Variants in ZNF827 observed in about 807,000 individuals in gnomAD.
ZNF827 encodes zinc finger protein 827.
ZNF827 carries 13 observed loss-of-function variants against 102.4 expected under a neutral mutation model. The ratio of observed to expected loss-of-function variants is 0.13; its 90% CI spans 0.08 to 0.20. The LOEUF is 0.20. Ranked by LOEUF, ZNF827 falls within the 10% of genes least tolerant of loss-of-function variation. The probability of loss-of-function intolerance (pLI) is 1.00; values close to 1 mark genes in which losing one functional copy is unlikely to be tolerated. For synonymous variants in ZNF827, 523 were observed against 536.2 expected (o/e 0.98, Z 0.34); for missense variants, 1,103 against 1,344.4 (o/e 0.82, Z 2.81).
At chr4:145,828,901 G>A (rs1743928681) in intron 7 of ZNF827, among the ~76,000 whole-genome samples, 1 of 152,200 alleles carries the variant, frequency 6.6e-6, no homozygotes, top group Non-Finnish European at 1.5e-5. Context: ...TGTGACACCA[G>A]TATTTCCACC....
At position 145,760,861 on chromosome 4, in the gene ZNF827, T is replaced by A. The variant is rs1403788335; in HGVS notation, c.*755A>T. Reference sequence around the variant, plus strand: ...TGAGGGGATGCTGGGAGGCGCAGTCTGAGGTCGGGGAGGGTGGAATGTGAG... The same window carrying A: ...TGAGGGGATGCTGGGAGGCGCAGTCAGAGGTCGGGGAGGGTGGAATGTGAG... On this transcript the variant is annotated 3_prime_UTR_variant, in exon 15 of 15. Coordinates refer to ENST00000508784, the MANE Select transcript of ZNF827 (RefSeq NM_001306215.2). 10 of 1,216,654 alleles carry A rather than the reference T, an allele frequency of 8.2e-6. No homozygotes were observed. Among genetic ancestry groups the A allele is most frequent in the Non-Finnish European group, 1.0e-5 (10 of 954,374 alleles). 75.4% of individuals were successfully genotyped at this position (1,216,654 alleles called of 1,614,324 possible). A position where few individuals can be genotyped will look rare whatever the true frequency, so the allele number is the denominator to read the frequency against.
Position 145,886,117 on chromosome 4 carries a change from C to T in ZNF827, c.1308G>A (p.Gln436=), listed in dbSNP as rs748007560. The change falls in exon 4 of 15, where the codon CAG becomes CAA. Residue 436 remains glutamine (Q), a synonymous_variant. Transcript: ENST00000508784. ...HQDRGETFQC[Q]LCPFTSSRHF... ...GGCGTGAGGAAGTAAAAGGGCACAG[C>T]TGGCACTGAAAGGTCTCTCCCCGAT... is the stretch of plus-strand genomic sequence containing the variant. 1 of 1,611,586 alleles carries T rather than the reference C, an allele frequency of 6.2e-7. No individual in the cohort carries two copies. The highest frequency in any genetic ancestry group is 2.2e-5 in the East Asian group (1 of 44,870).
chr4:145,806,751 G>A (rs962029313), intron 8 of ZNF827, among the ~76,000 whole-genome samples: 12 of 152,188 alleles, frequency 7.9e-5, no homozygotes, highest in African/African-American at 2.9e-4. Context: ...TATAACGACT[G>A]AAAATACCCT....
At chr4:145,827,159 T>C (rs1482402615) in intron 7 of ZNF827, among the ~76,000 whole-genome samples, 1 of 152,150 alleles carries the variant, frequency 6.6e-6, no homozygotes, top group Non-Finnish European at 1.5e-5. Flanking sequence ...TAGTTGCCCA[T>C]GCCCATGAGT....
chr4:145,922,735 A>AT (rs1561083182), intron 1 of ZNF827, among the ~76,000 whole-genome samples: 1 of 152,276 alleles, frequency 6.6e-6, no homozygotes, highest in African/African-American at 2.4e-5. Flanking sequence ...TTCCTTGAAC[A>AT]TCACTTTTAA....
intron 5 of ZNF827, among the ~76,000 whole-genome samples, chr4:145,869,226 G>C (rs1036883279): frequency 6.6e-6 from 1 of 152,164 alleles, no homozygotes; most frequent in Non-Finnish European, 1.5e-5. Context: ...GGTAAGTACA[G>C]GAATTTCAAC....
intron 4 of ZNF827, among the ~76,000 whole-genome samples, chr4:145,876,087 T>C (rs1749125905): frequency 6.6e-6 from 1 of 152,180 alleles, no homozygotes; most frequent in South Asian, 2.1e-4. Flanking sequence ...GTTGTAGTAA[T>C]GTCATCAATA....
intron 11 of ZNF827, chr4:145,770,876 CTTAA>C (rs1736181140): frequency 6.6e-6 from 1 of 152,144 alleles, no homozygotes; most frequent in Non-Finnish European, 1.5e-5. Context: ...GTATATACAG[CTTAA>C]TTAGTTTCCA....
Position 145,885,781 on chromosome 4 carries a change from T to C in ZNF827, c.1644A>G (p.Thr548=), listed in dbSNP as rs1420008858. The C allele has an allele frequency of 4.3e-6, 7 of 1,611,862 alleles. No homozygotes were observed. Among genetic ancestry groups the C allele is most frequent in the Non-Finnish European group, 5.9e-6 (7 of 1,178,818 alleles). Residue 548 remains threonine, a synonymous_variant, in exon 4 of 15, where the codon ACA becomes ACG. Coordinates refer to ENST00000508784, the MANE Select transcript of ZNF827 (RefSeq NM_001306215.2). ...LNAADRPANH[T]KLKDPSEYVA... ...CATACTCGGAGGGGTCTTTCAGCTT[T>C]GTGTGGTTGGCGGGCCTGTCGGCAG...
At chr4:145,776,060 C>CAA in intron 9 of ZNF827, 100 bp from the exon 10 acceptor site, 1 of 1,353,570 alleles carries the variant, frequency 7.4e-7, no homozygotes, top group Non-Finnish European at 1.0e-6. Flanking sequence ...AAGAATGGTT[C>CAA]AAGTCATATT....
chr4:145,874,496 G>T (rs1748985820), intron 4 of ZNF827, among the ~76,000 whole-genome samples: 1 of 152,106 alleles, frequency 6.6e-6, no homozygotes, highest in African/African-American at 2.4e-5. Flanking sequence ...ATTGAGAACA[G>T]TACATAAAGC....
At chr4:145,801,552 C>A (rs1740902262) in intron 8 of ZNF827, among the ~76,000 whole-genome samples, 1 of 152,096 alleles carries the variant, frequency 6.6e-6, no homozygotes. Flanking sequence ...AAAGATACAT[C>A]AGGCCCGTCA....
chr4:145,912,449 A>G (rs180840673), intron 1 of ZNF827, among the ~76,000 whole-genome samples: 18 of 152,350 alleles, frequency 1.2e-4, no homozygotes, highest in Non-Finnish European at 4.4e-5. Flanking sequence ...AGGCTTATTA[A>G]AACTGTGTAC....
At chr4:145,774,440 G>T (rs6832691) in intron 11 of ZNF827, 66 bp downstream of exon 11, 2 of 1,539,880 alleles carry the variant, frequency 1.3e-6, no homozygotes, top group African/African-American at 1.4e-5. Flanking sequence ...CTTCGGCCAG[G>T]TGGCAGGTGC....
At chr4:145,872,746 G>A (rs529251301) in intron 4 of ZNF827, among the ~76,000 whole-genome samples, 2 of 151,532 alleles carry the variant, frequency 1.3e-5, no homozygotes, top group East Asian at 4.0e-4. Context: ...GTGGTGGCAT[G>A]CACCTGTAAT....
At chr4:145,802,361 T>C (rs1315272800) in intron 8 of ZNF827, among the ~76,000 whole-genome samples, 1 of 152,230 alleles carries the variant, frequency 6.6e-6, no homozygotes, top group Non-Finnish European at 1.5e-5. Context: ...TTATTTGTTT[T>C]CACTCCTGTT....
At chr4:145,910,374 C>T (rs571658503) in intron 1 of ZNF827, among the ~76,000 whole-genome samples, 2 of 152,272 alleles carry the variant, frequency 1.3e-5, no homozygotes, top group East Asian at 1.9e-4. Context: ...TCTACCTGCC[C>T]GTCTCAGCAG....
intron 8 of ZNF827, among the ~76,000 whole-genome samples, chr4:145,805,914 G>C (rs1024584115): frequency 6.6e-6 from 1 of 151,846 alleles, no homozygotes; most frequent in East Asian, 1.9e-4. Context: ...TCACCTTCTG[G>C]GGAGTCTTTT....
At chr4:145,794,083 C>T (rs1011800298) in intron 8 of ZNF827, among the ~76,000 whole-genome samples, 12 of 152,132 alleles carry the variant, frequency 7.9e-5, no homozygotes, top group African/African-American at 2.7e-4. Flanking sequence ...CACTGTTTTA[C>T]GGAACGTGTA....
Sources: allele counts gnomAD v4.1 joint callset (sites outside exome capture counted in the v4.1 genomes callset), GRCh38; gene constraint gnomAD v4.1.1; transcripts MANE v1.5; gene names NCBI Gene and HGNC (gene_info 2026-07-23, HGNC 2026-07-21).